THSD7A: variants seen among roughly 807,000 people sequenced by gnomAD.
THSD7A encodes the protein thrombospondin type-1 domain-containing protein 7A.
In THSD7A, 96 loss-of-function variants were observed where a neutral mutation model predicts 231.3. The observed-to-expected ratio is 0.41, with a 90% confidence interval of 0.35 to 0.49. THSD7A has a LOEUF of 0.49. Ranked by LOEUF, THSD7A falls within the 20% of genes least tolerant of loss-of-function variation. The pLI is 0.05. For missense variants in THSD7A, 2,290 were observed against 2,070.2 expected, an observed-to-expected ratio of 1.11 and a Z score of -2.06; for synonymous variants, 940 against 743.3, an observed-to-expected ratio of 1.26 and a Z score of -4.30.
At chr7:11,511,271 A>C (rs1787797118) in intron 6 of THSD7A, among the ~76,000 whole-genome samples, 1 of 152,308 alleles carries the variant, frequency 6.6e-6, no homozygotes, top group East Asian at 1.9e-4. Context: ...CCACTGCTCA[A>C]CGAAATAAAA....
intron 1 of THSD7A, among the ~76,000 whole-genome samples, chr7:11,706,899 A>G (rs1412810572): frequency 6.7e-6 from 1 of 149,980 alleles, no homozygotes; most frequent in East Asian, 2.0e-4. Context: ...CAAACAATCC[A>G]CTCAGCTCTG....
At chr7:11,593,892 G>T (rs747819373) in intron 2 of THSD7A, among the ~76,000 whole-genome samples, 1 of 152,124 alleles carries the variant, frequency 6.6e-6, no homozygotes, top group African/African-American at 2.4e-5. Flanking sequence ...ATATGCCTGC[G>T]TAAGTGTGAT....
intron 1 of THSD7A, among the ~76,000 whole-genome samples, chr7:11,800,216 G>A (rs563793066): frequency 5.3e-5 from 8 of 152,060 alleles, no homozygotes; most frequent in African/African-American, 1.9e-4. Flanking sequence ...TGGACATTTG[G>A]GTTGTGAAAC....
In THSD7A at chr7:11,816,813, A is replaced by G. The variant is rs79662206; in HGVS notation, c.190+14944T>C. ...ATAAAACCATATTTTAGGAGGTATA[A>G]TTTTCTTAATATCAGGTAAAATTAT... On this transcript the variant is annotated intron_variant, in intron 1 of 27. Coordinates refer to ENST00000423059, the MANE Select transcript of THSD7A (RefSeq NM_015204.3). Among the ~76,000 whole-genome samples the G allele has an allele frequency of 8.7e-3, 1,331 of 152,280 alleles. 35 individuals carry two copies. The highest frequency in any genetic ancestry group is 0.03 in the African/African-American group (1,250 of 41,556).
In THSD7A at chr7:11,496,478, G is replaced by A. The variant is rs149158222; in HGVS notation, c.1823-14496C>T. On this transcript the variant is annotated intron_variant, in intron 6 of 27. Coordinates refer to ENST00000423059, the MANE Select transcript of THSD7A (RefSeq NM_015204.3). ...GGTTACACAAGTTGATGATGGAGTT[G>A]GAGATTCAGTGACCATATGACCTGG... Among the ~76,000 whole-genome samples the A allele has an allele frequency of 3.3e-5, 5 of 152,212 alleles. No homozygotes were observed. The East Asian group carries it at 7.7e-4, about 24-fold the overall frequency.
At position 11,411,802 on chromosome 7, in the gene THSD7A, A is replaced by G. The variant is rs1783795294; in HGVS notation, c.3683-480T>C. Among the ~76,000 whole-genome samples, 1 of 152,206 alleles carries G rather than the reference A, an allele frequency of 6.6e-6. No homozygotes were observed. Among genetic ancestry groups the G allele is most frequent in the African/African-American group, 2.4e-5 (1 of 41,438 alleles). ...ATGCATACGTTTATTAAAGTGATAAAAATCACTTTGGCCATATTTATTCAT... is the reference window on the plus strand; with the variant it reads ...ATGCATACGTTTATTAAAGTGATAAGAATCACTTTGGCCATATTTATTCAT... On this transcript the variant is annotated intron_variant, in intron 18 of 27. Transcript: ENST00000423059. This position sits in a 1 kb window ranked among gnomAD's most constrained non-coding sequence, Gnocchi z 4.1.
At position 11,375,123 on chromosome 7, in the gene THSD7A, G is replaced by A. The variant is rs1040235726; in HGVS notation, c.*671C>T. The A allele has an allele frequency of 5.3e-5, 8 of 151,824 alleles. No homozygotes were observed. Among genetic ancestry groups the A allele is most frequent in the African/African-American group, 1.9e-4 (8 of 41,328 alleles). 9.4% of individuals were successfully genotyped at this position (151,824 alleles called of 1,614,324 possible). The stretch of plus-strand genomic sequence containing the variant: ...ATTACCACTATAAAATACTGAACTT[G>A]AGGACTCGTTCTTCTAAGACACTAG... On this transcript the variant is annotated 3_prime_UTR_variant, in exon 28 of 28. Transcript: ENST00000423059.
chr7:11,596,920 T>C (rs943774014), intron 2 of THSD7A, among the ~76,000 whole-genome samples: 1 of 152,248 alleles, frequency 6.6e-6, no homozygotes, highest in Non-Finnish European at 1.5e-5. Flanking sequence ...CAATTTGCCT[T>C]CAGCTGGCAA....
intron 23 of THSD7A, among the ~76,000 whole-genome samples, chr7:11,400,392 CT>C (rs1453491765): frequency 6.6e-6 from 1 of 152,104 alleles, no homozygotes; most frequent in Non-Finnish European, 1.5e-5. Context: ...GCGTTTAAAG[CT>C]TCAAGATCTC....
chr7:11,753,750 A>G (rs1782583354), intron 1 of THSD7A, among the ~76,000 whole-genome samples: 1 of 151,944 alleles, frequency 6.6e-6, no homozygotes, highest in African/African-American at 2.4e-5. Context: ...CACTTGCTAA[A>G]TTCCTAGCAC....
chr7:11,410,147 G>T (rs886715772), intron 19 of THSD7A, among the ~76,000 whole-genome samples: 2 of 152,150 alleles, frequency 1.3e-5, no homozygotes, highest in Non-Finnish European at 2.9e-5. Context: ...TTTAAATAAT[G>T]AATACATTAG....
At chr7:11,407,136 A>G in intron 20 of THSD7A, 81 bp from the exon 21 acceptor site, 1 of 1,549,914 alleles carries the variant, frequency 6.5e-7, no homozygotes, top group Non-Finnish European at 8.8e-7. Flanking sequence ...AAGGCATCAC[A>G]GTGATATCTC....
At chr7:11,453,171 G>T (rs1341996552) in intron 11 of THSD7A, among the ~76,000 whole-genome samples, 3 of 151,858 alleles carry the variant, frequency 2.0e-5, no homozygotes, top group Non-Finnish European at 4.4e-5. Flanking sequence ...TTTCAGCAAA[G>T]GGTGAAGCAA....
chr7:11,375,353 C>G lies in THSD7A; in HGVS notation c.*441G>C, dbSNP rs1203818120. ...GTACATAATCTGACATAATGTGTGT[C>G]ATTCAACTGAGTACACATGTTAATT... On this transcript the variant is annotated 3_prime_UTR_variant, in exon 28 of 28. Transcript: ENST00000423059. 6.5e-6 allele frequency: 1 copy of G among 153,576 alleles called. No individual in the cohort carries two copies. The highest frequency in any genetic ancestry group is 2.4e-5 in the African/African-American group (1 of 41,462). 9.5% of individuals were successfully genotyped at this position (153,576 alleles called of 1,614,324 possible).
chr7:11,495,907 G>T (rs1185526050), intron 6 of THSD7A, among the ~76,000 whole-genome samples: 1 of 152,104 alleles, frequency 6.6e-6, no homozygotes, highest in Non-Finnish European at 1.5e-5. Context: ...GGAGAGTTAA[G>T]ATTTTTAGAC....
At chr7:11,680,702 C>T (rs1783834879) in intron 1 of THSD7A, among the ~76,000 whole-genome samples, 1 of 152,038 alleles carries the variant, frequency 6.6e-6, no homozygotes, top group African/African-American at 2.4e-5. Flanking sequence ...CAGGAAATAA[C>T]AGATGCTGGA....
intron 5 of THSD7A, 146 bp downstream of exon 5, chr7:11,542,813 GAGA>G (rs1434774289): frequency 1.2e-6 from 1 of 837,580 alleles, no homozygotes; most frequent in Admixed American, 3.0e-5. Context: ...ACTATCACTG[GAGA>G]AGGTTAATTC....
chr7:11,597,724 A>G (rs1780415003), intron 2 of THSD7A, among the ~76,000 whole-genome samples: 3 of 152,192 alleles, frequency 2.0e-5, no homozygotes, highest in Non-Finnish European at 2.9e-5. Flanking sequence ...ACTGCCTATC[A>G]TGTACTGGGT....
intron 4 of THSD7A, among the ~76,000 whole-genome samples, chr7:11,583,629 G>A (rs751926326): frequency 1.3e-5 from 2 of 151,950 alleles, no homozygotes; most frequent in Non-Finnish European, 2.9e-5. Context: ...TAATCTTACT[G>A]CTTGTTAGGC....
Sources: allele counts gnomAD v4.1 joint callset (sites outside exome capture counted in the v4.1 genomes callset), GRCh38; gene constraint gnomAD v4.1.1; non-coding constraint Gnocchi (gnomAD v3.1); transcripts MANE v1.5; gene names NCBI Gene and HGNC (gene_info 2026-07-23, HGNC 2026-07-21).